Variants in CACNG4 observed in about 807,000 individuals in gnomAD.
CACNG4 encodes the protein voltage-dependent calcium channel gamma-4 subunit.
Under a neutral mutation model 22.9 loss-of-function variants are expected in CACNG4, and 8 were observed. The observed-to-expected ratio is 0.35, with a 90% CI of 0.21 to 0.63. The LOEUF (loss-of-function observed/expected upper bound fraction) is 0.63. Among genes scored for constraint, CACNG4 ranks in the 30% least tolerant of loss-of-function variants. CACNG4 has a pLI of 0.72. For synonymous variants in CACNG4, 188 were observed against 191.9 expected, an observed-to-expected ratio of 0.98 and a Z score of 0.17; for missense variants, 357 against 455.4, an observed-to-expected ratio of 0.78 and a Z score of 1.97.
At position 67,002,875 on chromosome 17, in the gene CACNG4, A is replaced by C. The variant is rs541770446; in HGVS notation, c.221-15314A>C. On this transcript the variant is annotated intron_variant, in intron 1 of 3. Transcript: ENST00000262138. ...GGAAAGAGCTTAGCACATGCTTTGC[A>C]GGGAATATAGTTTTCAACCAAAGCC... 2.3e-4 allele frequency among the ~76,000 whole-genome samples: 35 copies of C among 152,336 alleles called. 1 individual carries two copies. In the South Asian group the frequency reaches 6.6e-3, roughly 29 times the overall value.
chr17:66,969,131 C>T (rs1242832829), intron 1 of CACNG4, among the ~76,000 whole-genome samples: 2 of 152,204 alleles, frequency 1.3e-5, no homozygotes, highest in African/African-American at 2.4e-5. Context: ...GCAAACATCA[C>T]GGAACATGTA....
intron 1 of CACNG4, among the ~76,000 whole-genome samples, chr17:66,979,309 G>T (rs2035257131): frequency 6.6e-6 from 1 of 152,040 alleles, no homozygotes; most frequent in Non-Finnish European, 1.5e-5. Flanking sequence ...GCCCTCTCCT[G>T]CTTCCTGTTC....
At chr17:66,969,567 C>T (rs890683333) in intron 1 of CACNG4, among the ~76,000 whole-genome samples, 5 of 152,188 alleles carry the variant, frequency 3.3e-5, no homozygotes, top group African/African-American at 1.2e-4. Context: ...GCATCTTGCA[C>T]ACCAGTGTAC....
intron 1 of CACNG4, among the ~76,000 whole-genome samples, chr17:66,988,080 CACAT>C (rs1224680205): frequency 2.0e-5 from 3 of 151,668 alleles, no homozygotes; most frequent in African/African-American, 7.3e-5. Context: ...CACACACACA[CACAT>C]GCAACTGCAC....
chr17:66,983,674 G>A (rs1319160285), intron 1 of CACNG4, among the ~76,000 whole-genome samples: 1 of 152,208 alleles, frequency 6.6e-6, no homozygotes, highest in African/African-American at 2.4e-5. Flanking sequence ...TCTCCGCAAA[G>A]AAGGTGAAAA....
intron 1 of CACNG4, among the ~76,000 whole-genome samples, chr17:67,011,172 T>A (rs1016004836): frequency 1.3e-5 from 2 of 152,238 alleles, no homozygotes; most frequent in Non-Finnish European, 2.9e-5. Flanking sequence ...GTCTTCACCC[T>A]CACCGCCTTC....
At chr17:67,017,078 G>T (rs2035502891) in intron 1 of CACNG4, among the ~76,000 whole-genome samples, 1 of 152,072 alleles carries the variant, frequency 6.6e-6, no homozygotes, top group Non-Finnish European at 1.5e-5. Context: ...CATAACTGTG[G>T]TTTTTTGAGT....
At chr17:67,009,440 G>A (rs2035455794) in intron 1 of CACNG4, among the ~76,000 whole-genome samples, 1 of 152,100 alleles carries the variant, frequency 6.6e-6, no homozygotes, top group South Asian at 2.1e-4. Flanking sequence ...ATTGCTCTGG[G>A]CTGCATTTCT....
chr17:66,982,718 A>G (rs1336696575), intron 1 of CACNG4, among the ~76,000 whole-genome samples: 1 of 152,092 alleles, frequency 6.6e-6, no homozygotes, highest in Non-Finnish European at 1.5e-5. Flanking sequence ...CACCATGCCC[A>G]TCTAATTTTA....
chr17:66,986,133 T>G (rs778076673), intron 1 of CACNG4, among the ~76,000 whole-genome samples: 4 of 152,204 alleles, frequency 2.6e-5, no homozygotes, highest in African/African-American at 9.6e-5. Flanking sequence ...AATCTGGTAC[T>G]ATCGAAACAG....
intron 1 of CACNG4, among the ~76,000 whole-genome samples, chr17:67,009,015 G>T (rs1451109590): frequency 1.3e-5 from 2 of 152,050 alleles, no homozygotes; most frequent in Non-Finnish European, 2.9e-5. Flanking sequence ...TTATGAAAAG[G>T]GGAACTTTGG....
In CACNG4 at chr17:67,031,711, C is replaced by T. The variant is rs1223155179; in HGVS notation, c.*707C>T. 2 of 456,636 alleles carry T rather than the reference C, an allele frequency of 4.4e-6. No homozygotes were observed. The highest frequency in any genetic ancestry group is 2.0e-5 in the African/African-American group (1 of 50,082). 28.3% of individuals were successfully genotyped at this position (456,636 alleles called of 1,614,324 possible). On this transcript the variant is annotated 3_prime_UTR_variant, in exon 4 of 4. Coordinates refer to ENST00000262138, the MANE Select transcript of CACNG4 (RefSeq NM_014405.4). This position sits in a 1 kb window ranked among gnomAD's most constrained non-coding sequence, Gnocchi z 4.0. ...GGGCTGTTGCTGGCTATCCTCTTTG[C>T]TTCTGGAAGTTTCTGCCTCACTCAG...
chr17:66,988,722 T>C (rs1381045657), intron 1 of CACNG4, among the ~76,000 whole-genome samples: 2 of 152,020 alleles, frequency 1.3e-5, no homozygotes, highest in African/African-American at 4.8e-5. Context: ...AATTTCTTGG[T>C]GGGGGCTTCC....
chr17:67,018,382 T>C lies in CACNG4; in HGVS notation c.304+110T>C, dbSNP rs1252877780. 6.5e-6 allele frequency: 5 copies of C among 772,736 alleles called. No individual in the cohort carries two copies. In the Admixed American group the frequency reaches 8.2e-5, roughly 13 times the overall value. 47.9% of individuals were successfully genotyped at this position (772,736 alleles called of 1,614,324 possible). ...CATGGAGAGGGTGATTGTCTTGGGATGGTCCACTCACTGTCTTACTTATTC... is the reference window on the plus strand; with the variant it reads ...CATGGAGAGGGTGATTGTCTTGGGACGGTCCACTCACTGTCTTACTTATTC... On this transcript the variant is annotated intron_variant, in intron 2 of 3. Transcript: ENST00000262138.
Position 67,018,857 on chromosome 17 carries a change from G to A in CACNG4, c.304+585G>A, listed in dbSNP as rs145993153. ...TTTTCAGCACCGCCTCTGCCCATGG[G>A]AGCCCCCACCTGCTCCTGGGTCCAG... is the stretch of plus-strand genomic sequence containing the variant. On this transcript the variant is annotated intron_variant, in intron 2 of 3. Transcript: ENST00000262138. 9.5e-4 allele frequency among the ~76,000 whole-genome samples: 145 copies of A among 152,134 alleles called. 1 individual carries two copies. Among genetic ancestry groups the A allele is most frequent in the African/African-American group, 3.3e-3 (138 of 41,504 alleles).
At chr17:67,013,575 C>T (rs147176338) in intron 1 of CACNG4, among the ~76,000 whole-genome samples, 8 of 152,064 alleles carry the variant, frequency 5.3e-5, no homozygotes, top group East Asian at 1.9e-4. Flanking sequence ...GAGGCCGAGG[C>T]GGGTGGATCA....
intron 1 of CACNG4, among the ~76,000 whole-genome samples, chr17:66,966,406 G>C (rs557961077): frequency 6.6e-6 from 1 of 152,124 alleles, no homozygotes; most frequent in Non-Finnish European, 1.5e-5. Context: ...TCCGCCCCTC[G>C]GTTGTTCGGG....
intron 1 of CACNG4, among the ~76,000 whole-genome samples, chr17:67,016,357 C>T (rs972593182): frequency 1.2e-4 from 18 of 152,212 alleles, no homozygotes; most frequent in African/African-American, 4.3e-4. Flanking sequence ...CGCTGGCCCC[C>T]AGGGCCCATG....
chr17:66,974,923 C>CT (rs1376956140), intron 1 of CACNG4, among the ~76,000 whole-genome samples: 1 of 152,104 alleles, frequency 6.6e-6, no homozygotes, highest in Non-Finnish European at 1.5e-5. Context: ...GGGCTTTGGA[C>CT]TTTAACTGGA....
Sources: allele counts gnomAD v4.1 joint callset (sites outside exome capture counted in the v4.1 genomes callset), GRCh38; gene constraint gnomAD v4.1.1; non-coding constraint Gnocchi (gnomAD v3.1); transcripts MANE v1.5; gene names NCBI Gene and HGNC (gene_info 2026-07-23, HGNC 2026-07-21).